CHL1: variants seen among roughly 807,000 people sequenced by gnomAD.
CHL1 encodes neural cell adhesion molecule L1-like protein.
CHL1 carries 96 observed loss-of-function variants against 141.9 expected under a neutral mutation model. That is an observed-to-expected ratio of 0.68 (90% CI 0.57 to 0.80). The LOEUF (loss-of-function observed/expected upper bound fraction) is 0.80, where lower values mean the gene tolerates loss of function less well. CHL1 is among the 30% of genes least tolerant of loss of function. The probability of loss-of-function intolerance (pLI) is 0.00; values close to 1 mark genes in which losing one functional copy is unlikely to be tolerated. For synonymous variants in CHL1, 613 were observed against 502.2 expected, an observed-to-expected ratio of 1.22 and a Z score of -2.95; for missense variants, 1,820 against 1,457.2, an observed-to-expected ratio of 1.25 and a Z score of -4.05.
intron 2 of CHL1, among the ~76,000 whole-genome samples, chr3:255,271 A>T (rs895942623): frequency 4.6e-5 from 7 of 152,166 alleles, no homozygotes; most frequent in South Asian, 4.1e-4. Context: ...TCTCTTTCTT[A>T]TTCACTGAAA....
intron 2 of CHL1, among the ~76,000 whole-genome samples, chr3:266,557 T>G (rs1230168203): frequency 6.6e-6 from 1 of 152,174 alleles, no homozygotes; most frequent in African/African-American, 2.4e-5. Context: ...TGTGAAAACG[T>G]GAAGCTCCAG....
rs142096855 is a variant in CHL1, at chr3:319,839, C to T, written c.63C>T (p.Phe21=). 3 of 1,596,158 alleles carry T rather than the reference C, an allele frequency of 1.9e-6. No individual in the cohort carries two copies. The highest frequency in any genetic ancestry group is 2.7e-5 in the African/African-American group (2 of 74,290). The change falls in exon 3 of 28, where the codon TTC becomes TTT. Residue 21 remains phenylalanine (F), a synonymous_variant. Transcript: ENST00000256509. The part of the protein sequence containing the change: ...IVYLMFLLLK[F]SKAIEIPSSV... ...ATCTAATGTTCCTCCTGTTAAAATT[C>T]TCAAAAGCAATTGAAATACCATCTT...
chr3:378,422 CTT>C (rs1399258380), intron 16 of CHL1, among the ~76,000 whole-genome samples: 4 of 152,246 alleles, frequency 2.6e-5, no homozygotes, highest in Non-Finnish European at 4.4e-5. Flanking sequence ...AAAGGAATGT[CTT>C]TGATTTTTGT....
In CHL1 at chr3:377,938, T is replaced by A. The variant is rs1706542608; in HGVS notation, c.1872T>A (p.Val624=). The change falls in exon 16 of 28, where the codon GTT becomes GTA. Residue 624 remains valine, a synonymous_variant. Transcript: ENST00000256509. ...DSAADITQVT[V]LDVPDPPENL... ...CTGCCGATATAACTCAAGTAACTGT[T>A]CTTGGTAAGTGCACTAACTAATGAG... 1 of 1,603,958 alleles carries A rather than the reference T, an allele frequency of 6.2e-7. No homozygotes were observed. The highest frequency in any genetic ancestry group is 2.2e-5 in the East Asian group (1 of 44,706).
rs1708038708 is a variant in CHL1, at chr3:389,344, A to G, written c.2340A>G (p.Thr780=). 3 of 1,614,078 alleles carry G rather than the reference A, an allele frequency of 1.9e-6. No individual in the cohort carries two copies. Among genetic ancestry groups the G allele is most frequent in the Non-Finnish European group, 1.7e-6 (2 of 1,180,028 alleles). ...QGAPVEWEEE[T]VTNHTLRVMT... ...CCCCAGTGGAGTGGGAAGAAGAAAC[A>G]GTCACAAACCACACATTGCGGGTGA... Residue 780 remains threonine (T), a synonymous_variant, in exon 20 of 28, where the codon ACA becomes ACG. Coordinates refer to ENST00000256509, the MANE Select transcript of CHL1 (RefSeq NM_006614.4).
chr3:297,629 T>C (rs1698312313), intron 2 of CHL1, among the ~76,000 whole-genome samples: 1 of 152,218 alleles, frequency 6.6e-6, no homozygotes, highest in Non-Finnish European at 1.5e-5. Context: ...CCATATCAAA[T>C]AATGAATGAA....
In CHL1 at chr3:391,817, G is replaced by A; in HGVS notation, c.2914+20G>A. On this transcript the variant is annotated intron_variant, in intron 23 of 27. Transcript: ENST00000256509. ...AGATAAGTAAGTAGAAATTTGAATT[G>A]GAGTTAACTTGTTAATGTTTCATTT... 1 of 1,559,664 alleles carries A rather than the reference G, an allele frequency of 6.4e-7. No homozygotes were observed. The highest frequency in any genetic ancestry group is 2.3e-5 in the East Asian group (1 of 44,158).
At chr3:376,880 A>T (rs1706392028) in intron 15 of CHL1, among the ~76,000 whole-genome samples, 1 of 152,180 alleles carries the variant, frequency 6.6e-6, no homozygotes, top group Admixed American at 6.5e-5. Context: ...TGGTGTAGGA[A>T]TAAGGGCTGA....
chr3:406,031 C>T lies in CHL1; in HGVS notation c.*320C>T, dbSNP rs528192856. On this transcript the variant is annotated 3_prime_UTR_variant, in exon 28 of 28. Transcript: ENST00000256509. ...TCCATATTTGCCTGATTTTACTATT[C>T]GGTGTGTTTGCATAGATGTTGCTAC... is the stretch of plus-strand genomic sequence containing the variant. 1,253 of 261,896 alleles carry T rather than the reference C, an allele frequency of 4.8e-3. 11 individuals are homozygous for T. Among genetic ancestry groups the T allele is most frequent in the Non-Finnish European group, 6.8e-3 (920 of 134,954 alleles). 16.2% of individuals were successfully genotyped at this position (261,896 alleles called of 1,614,324 possible).
At chr3:235,721 AG>A (rs1476972686) in intron 1 of CHL1, among the ~76,000 whole-genome samples, 5 of 152,250 alleles carry the variant, frequency 3.3e-5, no homozygotes, top group African/African-American at 1.2e-4. Flanking sequence ...ATATAAAGTC[AG>A]AACTGGGTCC....
At chr3:309,963 T>C (rs1699617752) in intron 2 of CHL1, among the ~76,000 whole-genome samples, 1 of 152,218 alleles carries the variant, frequency 6.6e-6, no homozygotes, top group African/African-American at 2.4e-5. Context: ...GTCATTTTTC[T>C]ATTAATGGAA....
intron 2 of CHL1, among the ~76,000 whole-genome samples, chr3:295,390 G>A (rs1027124145): frequency 3.3e-5 from 5 of 152,118 alleles, no homozygotes; most frequent in African/African-American, 9.7e-5. Context: ...TTGACTAATG[G>A]CCAAAAGCAC....
intron 1 of CHL1, among the ~76,000 whole-genome samples, chr3:242,826 A>G (rs546602468): frequency 7.8e-4 from 119 of 152,232 alleles, no homozygotes; most frequent in African/African-American, 2.1e-3. Flanking sequence ...TGAGCATACA[A>G]ATAAGTTTGA....
chr3:338,487 T>C (rs1702112591), intron 5 of CHL1, among the ~76,000 whole-genome samples: 1 of 152,202 alleles, frequency 6.6e-6, no homozygotes, highest in Admixed American at 6.5e-5. Context: ...TTAGCTGCTG[T>C]GTTATAGTAA....
intron 1 of CHL1, among the ~76,000 whole-genome samples, chr3:209,169 A>G (rs1297018633): frequency 1.3e-5 from 2 of 152,230 alleles, no homozygotes; most frequent in Non-Finnish European, 2.9e-5. Flanking sequence ...TAAACACTTG[A>G]TTATGGAAAG....
At chr3:241,287 G>A (rs4685488) in intron 1 of CHL1, among the ~76,000 whole-genome samples, 1 of 151,986 alleles carries the variant, frequency 6.6e-6, no homozygotes, top group African/African-American at 2.4e-5. Flanking sequence ...GTGAAGCCAA[G>A]TTTTCTTCCA....
At chr3:346,863 T>C (rs1702813125) in intron 9 of CHL1, among the ~76,000 whole-genome samples, 1 of 152,190 alleles carries the variant, frequency 6.6e-6, no homozygotes, top group African/African-American at 2.4e-5. Context: ...AGTATTGTAC[T>C]ATTATTTTGT....
At chr3:270,693 C>A (rs1266645136) in intron 2 of CHL1, among the ~76,000 whole-genome samples, 1 of 152,182 alleles carries the variant, frequency 6.6e-6, no homozygotes, top group African/African-American at 2.4e-5. Context: ...ATAGAGAGGG[C>A]AGTTCTTGCT....
At chr3:330,469 A>C (rs1168893587) in intron 5 of CHL1, among the ~76,000 whole-genome samples, 1 of 152,108 alleles carries the variant, frequency 6.6e-6, no homozygotes, top group Non-Finnish European at 1.5e-5. Context: ...AACAGAATAA[A>C]CTGGAGTGAA....
Sources: allele counts gnomAD v4.1 joint callset (sites outside exome capture counted in the v4.1 genomes callset), GRCh38; gene constraint gnomAD v4.1.1; transcripts MANE v1.5; gene names NCBI Gene and HGNC (gene_info 2026-07-23, HGNC 2026-07-21).